Variants in GOLPH3 observed in about 807,000 individuals in gnomAD.
GOLPH3 encodes the protein coat protein GPP34.
In GOLPH3, 14 loss-of-function variants were observed where a neutral mutation model predicts 28.5. The ratio of observed to expected loss-of-function variants is 0.49; its 90% CI spans 0.32 to 0.77. GOLPH3 has a LOEUF of 0.77. Among genes scored for constraint, GOLPH3 ranks in the 30% least tolerant of loss-of-function variants. The pLI, the probability that GOLPH3 is intolerant of heterozygous loss-of-function variation, is 0.03. For missense variants in GOLPH3, 350 were observed against 393.7 expected (o/e 0.89, Z 0.94); for synonymous variants, 158 against 159.2 (o/e 0.99, Z 0.06).
Position 32,161,193 on chromosome 5 carries a change from AGGAATTTG to A in GOLPH3, c.225+12609_225+12616del, listed in dbSNP as rs1482502923. On this transcript the variant is annotated intron_variant, in intron 1 of 3. Coordinates refer to ENST00000265070, the MANE Select transcript of GOLPH3 (RefSeq NM_022130.4). ...CGAGGAGGGAGGATCACTTGAGCCC[AGGAATTTG>A]AGACCAACTTGGGCAACACAGCAAA... is the stretch of plus-strand genomic sequence containing the variant. 4.6e-5 allele frequency among the ~76,000 whole-genome samples: 7 copies of A among 150,900 alleles called. No individual in the cohort carries two copies. The East Asian group carries it at 1.3e-3, about 29-fold the overall frequency.
intron 1 of GOLPH3, 48 bp downstream of exon 1, chr5:32,173,762 G>GCCCGGGC (rs1746906826): frequency 1.6e-6 from 2 of 1,272,848 alleles, no homozygotes; most frequent in East Asian, 6.5e-5. Flanking sequence ...CTCACCTGGC[G>GCCCGGGC]CCCGGGCCCC....
At chr5:32,155,135 T>C (rs896823481) in intron 1 of GOLPH3, among the ~76,000 whole-genome samples, 3 of 148,818 alleles carry the variant, frequency 2.0e-5, no homozygotes, top group Admixed American at 2.0e-4. Context: ...AAATGTATTA[T>C]GGTGATGGAT....
intron 3 of GOLPH3, among the ~76,000 whole-genome samples, chr5:32,128,631 A>G (rs1745750798): frequency 6.6e-6 from 1 of 152,082 alleles, no homozygotes; most frequent in Non-Finnish European, 1.5e-5. Context: ...ATTGCTCTCC[A>G]ACCTAGGCAA....
intron 1 of GOLPH3, among the ~76,000 whole-genome samples, chr5:32,173,043 T>C (rs150483402): frequency 3.3e-5 from 5 of 152,146 alleles, no homozygotes; most frequent in Non-Finnish European, 7.3e-5. Flanking sequence ...AATTATCTAT[T>C]GCAACTTCAA....
chr5:32,137,430 G>A (rs1477478545), intron 2 of GOLPH3, among the ~76,000 whole-genome samples: 3 of 151,860 alleles, frequency 2.0e-5, no homozygotes, highest in South Asian at 2.1e-4. Flanking sequence ...AGGCCAAGGC[G>A]GGTGGATCAC....
intron 1 of GOLPH3, among the ~76,000 whole-genome samples, chr5:32,169,723 C>T (rs1340689488): frequency 6.6e-6 from 1 of 152,090 alleles, no homozygotes; most frequent in Non-Finnish European, 1.5e-5. Context: ...TTTGCTGTCC[C>T]TCCCCCTCAA....
intron 3 of GOLPH3, among the ~76,000 whole-genome samples, chr5:32,128,757 AC>A (rs1198437011): frequency 6.6e-6 from 1 of 152,060 alleles, no homozygotes; most frequent in Non-Finnish European, 1.5e-5. Context: ...TTAAAGAAAG[AC>A]CATAAAATTC....
At chr5:32,145,777 G>C (rs1335512673) in intron 1 of GOLPH3, among the ~76,000 whole-genome samples, 1 of 152,204 alleles carries the variant, frequency 6.6e-6, no homozygotes, top group East Asian at 1.9e-4. Context: ...TTAGTGAATG[G>C]CTTTAGGCAT....
At chr5:32,169,367 C>T (rs1260734395) in intron 1 of GOLPH3, among the ~76,000 whole-genome samples, 1 of 152,072 alleles carries the variant, frequency 6.6e-6, no homozygotes, top group Non-Finnish European at 1.5e-5. Context: ...ACATCCACAG[C>T]AGTACAATCA....
At chr5:32,169,726 C>T (rs1746790985) in intron 1 of GOLPH3, among the ~76,000 whole-genome samples, 1 of 152,106 alleles carries the variant, frequency 6.6e-6, no homozygotes, top group Non-Finnish European at 1.5e-5. Context: ...GCTGTCCCTC[C>T]CCCTCAAACA....
intron 1 of GOLPH3, among the ~76,000 whole-genome samples, chr5:32,144,345 C>T (rs900633298): frequency 1.3e-5 from 2 of 152,224 alleles, no homozygotes; most frequent in Non-Finnish European, 2.9e-5. Context: ...AATCCGAGCA[C>T]TTTGGGAGGC....
chr5:32,161,093 A>AT lies in GOLPH3; in HGVS notation c.225+12716dup, dbSNP rs1491533227. ...AAAAAAAAAAAAAAAAAAAAAAAAA[A>AT]TTGGGTGGCATCAAAAAGATAAGGT... On this transcript the variant is annotated intron_variant, in intron 1 of 3. Transcript: ENST00000265070. 2.4e-5 allele frequency among the ~76,000 whole-genome samples: 3 copies of AT among 122,878 alleles called. No homozygotes were observed. In the East Asian group the frequency reaches 7.1e-4, roughly 29 times the overall value. 80.6% of individuals were successfully genotyped at this position (122,878 alleles called of 152,430 possible). A position where few individuals can be genotyped will look rare whatever the true frequency, so the allele number is the denominator to read the frequency against.
intron 3 of GOLPH3, chr5:32,134,616 T>G (rs1294734200): frequency 6.6e-6 from 1 of 151,830 alleles, no homozygotes; most frequent in African/African-American, 2.4e-5. Context: ...ATCACTTGAG[T>G]CCAGGACTTA....
chr5:32,165,677 T>C (rs930523193), intron 1 of GOLPH3, among the ~76,000 whole-genome samples: 3 of 152,232 alleles, frequency 2.0e-5, no homozygotes, highest in Non-Finnish European at 4.4e-5. Context: ...ATGAATGAAC[T>C]TGAAGACAGA....
At chr5:32,166,583 G>A (rs1375332561) in intron 1 of GOLPH3, among the ~76,000 whole-genome samples, 2 of 152,090 alleles carry the variant, frequency 1.3e-5, no homozygotes, top group African/African-American at 2.4e-5. Context: ...CGAGGTGGGC[G>A]GATCACTTGA....
Position 32,158,134 on chromosome 5 carries a change from C to A in GOLPH3, c.226-14254G>T, listed in dbSNP as rs60351887. Reference sequence around the variant, plus strand: ...AATAAATAAATAAATAAATAAAATACACACACACACACACACACACACACA... The same window carrying A: ...AATAAATAAATAAATAAATAAAATAAACACACACACACACACACACACACA... On this transcript the variant is annotated intron_variant, in intron 1 of 3. Coordinates refer to ENST00000265070, the MANE Select transcript of GOLPH3 (RefSeq NM_022130.4). Among the ~76,000 whole-genome samples, 136 of 34,648 alleles carry A rather than the reference C, an allele frequency of 3.9e-3. 13 individuals are homozygous for A. Among genetic ancestry groups the A allele is most frequent in the African/African-American group, 0.012 (107 of 9,168 alleles). The allele number at this position is 34,648 out of a possible 152,430, so 22.7% of individuals were successfully genotyped here. A position where few individuals can be genotyped will look rare whatever the true frequency, so the allele number is the denominator to read the frequency against.
rs112401456 is a variant in GOLPH3 at position 32,154,634 on chromosome 5, C to T, written c.226-10754G>A. Reference sequence around the variant, plus strand: ...AAATGTTTCCTGAATTCTACAGTGACCCCAAGCTAAGAATCCCTAAATTAG... The same window carrying T: ...AAATGTTTCCTGAATTCTACAGTGATCCCAAGCTAAGAATCCCTAAATTAG... On this transcript the variant is annotated intron_variant, in intron 1 of 3. Coordinates refer to ENST00000265070, the MANE Select transcript of GOLPH3 (RefSeq NM_022130.4). 5.4e-3 allele frequency among the ~76,000 whole-genome samples: 827 copies of T among 152,278 alleles called. 7 individuals carry two copies. The highest frequency in any genetic ancestry group is 0.018 in the African/African-American group (767 of 41,544).
In GOLPH3 at chr5:32,143,003, T is replaced by C. The variant is rs1010724997; in HGVS notation, c.357+746A>G. On this transcript the variant is annotated intron_variant, in intron 2 of 3. Coordinates refer to ENST00000265070, the MANE Select transcript of GOLPH3 (RefSeq NM_022130.4). ...TGATGACAAGGGCGGTTTTGTGGAA[T>C]AGAAAGTGGGGAAAGGTGGGGAAAA... Among the ~76,000 whole-genome samples the C allele has an allele frequency of 3.9e-5, 6 of 152,038 alleles. No homozygotes were observed. The South Asian group carries it at 6.2e-4, about 16-fold the overall frequency.
intron 3 of GOLPH3, among the ~76,000 whole-genome samples, chr5:32,129,891 G>T (rs1745786361): frequency 6.6e-6 from 1 of 151,910 alleles, no homozygotes; most frequent in Non-Finnish European, 1.5e-5. Flanking sequence ...GCCCAGGCTG[G>T]AGTGCGGTGG....
Sources: allele counts gnomAD v4.1 joint callset (sites outside exome capture counted in the v4.1 genomes callset), GRCh38; gene constraint gnomAD v4.1.1; transcripts MANE v1.5; gene names NCBI Gene and HGNC (gene_info 2026-07-23, HGNC 2026-07-21).